The following UNC13B variants were observed in gnomAD, a reference collection of about 807,000 sequenced individuals.
The protein encoded by UNC13B is unc-13 homolog B, also known as protein unc-13 homolog B.
A neutral mutation model predicts 211.0 loss-of-function variants in UNC13B; 144 were observed. That is an observed-to-expected ratio of 0.68 (90% CI 0.60 to 0.78). UNC13B has a LOEUF of 0.78. Among genes scored for constraint, UNC13B ranks in the 30% least tolerant of loss-of-function variants. UNC13B has a pLI of 0.00. For synonymous variants in UNC13B, 709 were observed against 725.8 expected, an observed-to-expected ratio of 0.98 and a Z score of 0.37; for missense variants, 1,777 against 2,002.0, an observed-to-expected ratio of 0.89 and a Z score of 2.14.
At chr9:35,257,393 TA>T (rs1210359322) in intron 6 of UNC13B, among the ~76,000 whole-genome samples, 8 of 139,324 alleles carry the variant, frequency 5.7e-5, no homozygotes, top group East Asian at 4.1e-4. Context: ...TAAATATTTA[TA>T]AAAATATTTA....
rs1834769002 is a variant in UNC13B at position 35,380,707 on chromosome 9, T to C, written c.10375+68T>C. On this transcript the variant is annotated intron_variant, in intron 18 of 39. Coordinates refer to ENST00000635942, the MANE Select transcript of UNC13B (RefSeq NM_001371189.2). ...ATGAAGGGGACCTGGGAATAGTCCT[T>C]CTACCAAAACCACCATCTGTCCCCA... The C allele has an allele frequency of 1.9e-6, 3 of 1,594,892 alleles. No homozygotes were observed. The African/African-American group carries it at 4.0e-5, about 21-fold the overall frequency.
chr9:35,258,624 T>TG (rs1460293810), intron 6 of UNC13B, among the ~76,000 whole-genome samples: 30 of 152,224 alleles, frequency 2.0e-4, no homozygotes, highest in Admixed American at 8.5e-4. Context: ...ATCACCTGAA[T>TG]GGGGAAATCT....
At chr9:35,261,066 G>A (rs111448717) in intron 7 of UNC13B, among the ~76,000 whole-genome samples, 4,237 of 152,004 alleles carry the variant, frequency 0.028, 81 homozygotes, top group African/African-American at 0.061. Flanking sequence ...CTGCTCCCTC[G>A]TATATTTTTA....
At chr9:35,187,360 T>A (rs1822417640) in intron 1 of UNC13B, among the ~76,000 whole-genome samples, 2 of 152,222 alleles carry the variant, frequency 1.3e-5, no homozygotes, top group Admixed American at 1.3e-4. Context: ...TTCCTTTCTG[T>A]TTCTTCCAGG....
chr9:35,256,974 A>G (rs1321495840), intron 6 of UNC13B, among the ~76,000 whole-genome samples: 1 of 152,060 alleles, frequency 6.6e-6, no homozygotes, highest in African/African-American at 2.4e-5. Flanking sequence ...CCTGGGAGAG[A>G]TTCATTAAAT....
At chr9:35,369,363 C>G (rs1429926268) in intron 12 of UNC13B, among the ~76,000 whole-genome samples, 1 of 152,102 alleles carries the variant, frequency 6.6e-6, no homozygotes, top group Non-Finnish European at 1.5e-5. Context: ...TGTTGCTTAT[C>G]CATCTCATTT....
At chr9:35,162,412 G>C (rs1264084149) in intron 1 of UNC13B, 107 bp downstream of exon 1, 4 of 1,345,630 alleles carry the variant, frequency 3.0e-6, no homozygotes, top group Admixed American at 2.8e-5. Context: ...CATCCCGTCC[G>C]TGCTTTGGGG....
chr9:35,262,578 A>G (rs1827342445), intron 7 of UNC13B, among the ~76,000 whole-genome samples: 1 of 152,006 alleles, frequency 6.6e-6, no homozygotes, highest in African/African-American at 2.4e-5. Context: ...TCAGCCTCCA[A>G]AAGTGCTGGG....
chr9:35,217,668 C>T (rs1411215506), intron 1 of UNC13B, among the ~76,000 whole-genome samples: 1 of 152,120 alleles, frequency 6.6e-6, no homozygotes, highest in African/African-American at 2.4e-5. Flanking sequence ...GGATTACAGG[C>T]GTGAGCCACT....
chr9:35,341,025 C>T (rs1303782913), intron 11 of UNC13B, among the ~76,000 whole-genome samples: 3 of 152,142 alleles, frequency 2.0e-5, no homozygotes. Context: ...TGAGAGCCAC[C>T]TGGCTAGTGA....
chr9:35,257,370 T>TAAAAATATTTATA (rs11389755), intron 6 of UNC13B, among the ~76,000 whole-genome samples: 5 of 60,652 alleles, frequency 8.2e-5, no homozygotes, highest in African/African-American at 1.7e-4. Context: ...TAAATATTTA[T>TAAAAATATTTATA]AAAATATTTA....
At chr9:35,296,365 A>C (rs1051677975) in intron 8 of UNC13B, among the ~76,000 whole-genome samples, 6 of 152,374 alleles carry the variant, frequency 3.9e-5, no homozygotes, top group African/African-American at 1.4e-4. Context: ...CAGTATTTTT[A>C]CTGGAACTTT....
At chr9:35,240,502 A>G (rs192315654) in intron 5 of UNC13B, among the ~76,000 whole-genome samples, 1 of 152,318 alleles carries the variant, frequency 6.6e-6, no homozygotes, top group East Asian at 1.9e-4. Flanking sequence ...ACCAAGCTGC[A>G]AGTGAAGGGA....
At chr9:35,270,384 G>A (rs989166209) in intron 7 of UNC13B, among the ~76,000 whole-genome samples, 1 of 151,246 alleles carries the variant, frequency 6.6e-6, no homozygotes, top group African/African-American at 2.4e-5. Flanking sequence ...TGTGTATTAT[G>A]CACATATATA....
chr9:35,237,296 C>G (rs543038541), intron 4 of UNC13B, among the ~76,000 whole-genome samples: 25 of 152,198 alleles, frequency 1.6e-4, no homozygotes, highest in African/African-American at 5.5e-4. Context: ...GTCTCTACTC[C>G]CCAGGCAGAT....
chr9:35,386,384 A>G, intron 24 of UNC13B, 91 bp downstream of exon 24: 5 of 1,547,002 alleles, frequency 3.2e-6, no homozygotes, highest in Non-Finnish European at 4.4e-6. Context: ...AGCACTCAGG[A>G]CAAAGTACTT....
intron 21 of UNC13B, among the ~76,000 whole-genome samples, chr9:35,383,638 A>G (rs1314304009): frequency 6.6e-6 from 1 of 152,176 alleles, no homozygotes; most frequent in Non-Finnish European, 1.5e-5. Flanking sequence ...ACGTTTAATT[A>G]TACTTTTTCT....
intron 2 of UNC13B, 35 bp from the exon 3 acceptor site, chr9:35,231,085 T>C (rs368968584): frequency 2.0e-5 from 27 of 1,382,980 alleles, no homozygotes; most frequent in Non-Finnish European, 2.5e-5. Flanking sequence ...ATCTGAGCAC[T>C]AAGTATTATG....
intron 6 of UNC13B, among the ~76,000 whole-genome samples, chr9:35,257,370 T>TA (rs11389755): frequency 0.7 from 41,760 of 59,748 alleles, 12,891 homozygotes; most frequent in Non-Finnish European, 0.74. Flanking sequence ...TAAATATTTA[T>TA]AAAATATTTA....
Sources: allele counts gnomAD v4.1 joint callset (sites outside exome capture counted in the v4.1 genomes callset), GRCh38; gene constraint gnomAD v4.1.1; transcripts MANE v1.5; gene names NCBI Gene and HGNC (gene_info 2026-07-23, HGNC 2026-07-21).